The following TEX11 variants were observed in gnomAD, a reference collection of about 807,000 sequenced individuals.
TEX11 encodes the protein testis-expressed protein 11.
In TEX11, 7 loss-of-function variants were observed where a neutral mutation model predicts 84.4. The observed-to-expected ratio is 0.08, with a 90% CI of 0.05 to 0.16. The LOEUF (loss-of-function observed/expected upper bound fraction) is 0.16, where lower values mean the gene tolerates loss of function less well. Ranked by LOEUF, TEX11 falls within the 10% of genes least tolerant of loss-of-function variation. The pLI is 1.00. For synonymous variants in TEX11, 264 were observed against 222.8 expected, an observed-to-expected ratio of 1.18 and a Z score of -1.64; for missense variants, 551 against 660.5, an observed-to-expected ratio of 0.83 and a Z score of 1.82.
intron 7 of TEX11, among the ~76,000 whole-genome samples, chrX:70,844,345 G>A (rs1161395562): frequency 9.4e-6 from 1 of 106,950 alleles, no homozygotes; most frequent in Non-Finnish European, 1.9e-5. Context: ...ATCATTCTCA[G>A]CAAACTATCG....
chrX:70,611,059 AT>A (rs1255646079), intron 20 of TEX11, among the ~76,000 whole-genome samples: 5 of 112,306 alleles, frequency 4.5e-5, no homozygotes, highest in Non-Finnish European at 9.4e-5. Flanking sequence ...AGCTTAAAAA[AT>A]AACTTATCTT....
intron 7 of TEX11, among the ~76,000 whole-genome samples, chrX:70,847,742 C>T (rs1274093824): frequency 3.6e-5 from 4 of 110,363 alleles, no homozygotes; most frequent in Admixed American, 2.9e-4. Context: ...TAGGGTCTAG[C>T]TATGTTGCCC....
At chrX:70,866,483 A>T (rs4844272) in intron 4 of TEX11, among the ~76,000 whole-genome samples, 10,172 of 110,376 alleles carry the variant, frequency 0.092, 639 homozygotes, top group Admixed American at 0.28. Flanking sequence ...AGGGGCTGGT[A>T]CCATTCCTTC....
intron 25 of TEX11, among the ~76,000 whole-genome samples, chrX:70,579,515 A>G (rs1225829838): frequency 8.8e-5 from 1 of 11,364 alleles, no homozygotes; most frequent in African/African-American, 2.4e-4. Flanking sequence ...AAAAACAAAA[A>G]AAACAAAAAA....
At chrX:70,578,086 G>C (rs1284859499) in intron 25 of TEX11, among the ~76,000 whole-genome samples, 2 of 111,892 alleles carry the variant, frequency 1.8e-5, no homozygotes, top group Non-Finnish European at 3.8e-5. Context: ...GACAGGGCCA[G>C]GTAAATTGTG....
At chrX:70,826,660 T>C (rs1218076370) in intron 8 of TEX11, among the ~76,000 whole-genome samples, 3 of 111,281 alleles carry the variant, frequency 2.7e-5, no homozygotes, top group African/African-American at 9.8e-5. Flanking sequence ...ACAGTCACAG[T>C]AGAGAAAAAA....
chrX:70,570,403 G>A (rs62608029), intron 25 of TEX11, among the ~76,000 whole-genome samples: 15,447 of 111,327 alleles, frequency 0.14, 1,079 homozygotes, highest in Non-Finnish European at 0.19. Context: ...CTCACGGTGC[G>A]CTGCACCCAC....
intron 16 of TEX11, among the ~76,000 whole-genome samples, chrX:70,656,368 C>T (rs1310567169): frequency 7.2e-5 from 8 of 110,512 alleles, no homozygotes; most frequent in Admixed American, 2.9e-4. Flanking sequence ...GTTGAGGATG[C>T]TGTGAGCTGT....
At chrX:70,567,825 G>C (rs1157215311) in intron 25 of TEX11, among the ~76,000 whole-genome samples, 4 of 111,282 alleles carry the variant, frequency 3.6e-5, no homozygotes, top group African/African-American at 9.8e-5. Flanking sequence ...TTACTTCCAA[G>C]TATGTGGTCA....
the TEX11 span, among the ~76,000 whole-genome samples, chrX:70,521,603 C>T: frequency 9.9e-5 from 11 of 111,259 alleles, no homozygotes; most frequent in East Asian, 2.8e-4. Context: ...GTCTTGCTGA[C>T]GATATTACCC....
chrX:70,783,881 C>G (rs1334623011), intron 9 of TEX11, among the ~76,000 whole-genome samples: 1 of 111,458 alleles, frequency 9.0e-6, no homozygotes, highest in African/African-American at 3.3e-5. Flanking sequence ...GACTCACAGC[C>G]GAATTCTACC....
At chrX:70,878,416 C>A (rs2091666803) in intron 3 of TEX11, among the ~76,000 whole-genome samples, 1 of 109,877 alleles carries the variant, frequency 9.1e-6, no homozygotes, top group Non-Finnish European at 1.9e-5. Context: ...TGTGATCTGC[C>A]CGCCTCGGCG....
At chrX:70,591,593 A>G (rs2088930946) in intron 25 of TEX11, among the ~76,000 whole-genome samples, 158 bp downstream of exon 25, 1 of 110,488 alleles carries the variant, frequency 9.1e-6, no homozygotes, top group East Asian at 2.8e-4. Flanking sequence ...ACACAGTGAG[A>G]CCCTGACTCG....
intron 14 of TEX11, among the ~76,000 whole-genome samples, chrX:70,679,468 G>A (rs1167679506): frequency 1.9e-5 from 2 of 103,014 alleles, no homozygotes; most frequent in African/African-American, 3.6e-5. Context: ...GTCTCTGCCC[G>A]GCCGCCATCC....
intron 15 of TEX11, among the ~76,000 whole-genome samples, chrX:70,677,113 C>T (rs2090079023): frequency 8.9e-6 from 1 of 111,962 alleles, no homozygotes; most frequent in African/African-American, 3.2e-5. Flanking sequence ...TGCTGGATGC[C>T]AGACATTGTA....
chrX:70,727,535 T>C (rs1311556995), intron 11 of TEX11, among the ~76,000 whole-genome samples: 1 of 112,008 alleles, frequency 8.9e-6, no homozygotes, highest in Non-Finnish European at 1.9e-5. Flanking sequence ...ATCCTGAATT[T>C]TGTGCAGTAA....
chrX:70,830,002 T>C, intron 8 of TEX11, among the ~76,000 whole-genome samples: 1 of 110,497 alleles, frequency 9.1e-6, no homozygotes, highest in South Asian at 3.9e-4. Context: ...CAGGAGTAAG[T>C]CTTTACTTAT....
At chrX:70,591,972 A>T (rs1271785314) in intron 24 of TEX11, 149 bp from the exon 25 acceptor site, 1 of 411,486 alleles carries the variant, frequency 2.4e-6, no homozygotes, top group Non-Finnish European at 4.1e-6. Context: ...TGGAGTTTAT[A>T]TAGAAATATT....
chrX:70,518,243 T>G, the TEX11 span, among the ~76,000 whole-genome samples: 3 of 111,989 alleles, frequency 2.7e-5, no homozygotes. Flanking sequence ...CTTTCCTGCT[T>G]TCTCTTGTGG....
Sources: allele counts gnomAD v4.1 joint callset (sites outside exome capture counted in the v4.1 genomes callset), GRCh38; gene constraint gnomAD v4.1.1; transcripts MANE v1.5; gene names NCBI Gene and HGNC (gene_info 2026-07-23, HGNC 2026-07-21).